FGF14: variants seen among roughly 807,000 people sequenced by gnomAD.
FGF14 encodes fibroblast growth factor 14.
FGF14 carries 5 observed loss-of-function variants against 25.5 expected under a neutral mutation model. The observed-to-expected ratio is 0.20, with a 90% CI of 0.10 to 0.41. The LOEUF is 0.41. Ranked by LOEUF, FGF14 falls within the 10% of genes least tolerant of loss-of-function variation. The probability of loss-of-function intolerance (pLI) is 1.00; values close to 1 mark genes in which losing one functional copy is unlikely to be tolerated. For synonymous variants in FGF14, 138 were observed against 118.3 expected (o/e 1.17, Z -1.08); for missense variants, 222 against 320.1 (o/e 0.69, Z 2.34).
chr13:101,926,151 G>T (rs910870494), intron 1 of FGF14, among the ~76,000 whole-genome samples: 5 of 152,156 alleles, frequency 3.3e-5, no homozygotes, highest in Non-Finnish European at 7.4e-5. Flanking sequence ...CAGGGATAAG[G>T]ATATGGGCAC....
upstream of FGF14, among the ~76,000 whole-genome samples, chr13:101,920,684 C>G (rs1015013162): frequency 6.6e-6 from 1 of 151,998 alleles, no homozygotes; most frequent in Non-Finnish European, 1.5e-5. Context: ...TCACCACCAC[C>G]CCCCCACAGT....
chr13:101,892,084 T>C, intron 1 of FGF14, among the ~76,000 whole-genome samples: 1 of 152,278 alleles, frequency 6.6e-6, no homozygotes, highest in African/African-American at 2.4e-5. Flanking sequence ...AATAGCTAAT[T>C]TTCAAGATGT....
intron 1 of FGF14, chr13:102,401,322 T>G: frequency 1.3e-6 from 1 of 743,438 alleles, no homozygotes; most frequent in Admixed American, 2.1e-5. Flanking sequence ...GTTACTTGTT[T>G]ATTCATGCAA....
At chr13:102,155,385 A>T (rs2047283295) in intron 1 of FGF14, among the ~76,000 whole-genome samples, 1 of 152,260 alleles carries the variant, frequency 6.6e-6, no homozygotes, top group South Asian at 2.1e-4. Context: ...AATTACATGG[A>T]AACTGAACAA....
chr13:102,329,844 C>A (rs147165852), intron 1 of FGF14, among the ~76,000 whole-genome samples: 115 of 152,232 alleles, frequency 7.6e-4, no homozygotes, highest in African/African-American at 2.6e-3. Context: ...TACGCACCCC[C>A]ACCTTATGCC....
intron 3 of FGF14, among the ~76,000 whole-genome samples, chr13:101,735,052 T>A (rs1043856335): frequency 1.3e-5 from 2 of 152,182 alleles, no homozygotes; most frequent in Admixed American, 1.3e-4. Context: ...CAGCTGGGAT[T>A]GCCCTCCCTC....
chr13:101,827,037 T>C (rs2140263511), intron 3 of FGF14, among the ~76,000 whole-genome samples: 1 of 152,086 alleles, frequency 6.6e-6, no homozygotes, highest in East Asian at 1.9e-4. Flanking sequence ...AGGATACACT[T>C]TTATGGTAAT....
chr13:101,736,448 T>C (rs1227430320), intron 3 of FGF14, among the ~76,000 whole-genome samples: 1 of 152,188 alleles, frequency 6.6e-6, no homozygotes, highest in African/African-American at 2.4e-5. Context: ...TTTATATTTG[T>C]TGAATATAAC....
chr13:101,782,317 TATC>T (rs2140035982), intron 3 of FGF14, among the ~76,000 whole-genome samples: 1 of 152,362 alleles, frequency 6.6e-6, no homozygotes, highest in African/African-American at 2.4e-5. Context: ...TCACTGCCAA[TATC>T]ATATTTCAAA....
At position 101,837,127 on chromosome 13, in the gene FGF14, T is replaced by C. The variant is rs984009425; in HGVS notation, c.408+31598A>G. Among the ~76,000 whole-genome samples the C allele has an allele frequency of 2.0e-4, 30 of 151,926 alleles. 1 individual carries two copies. Among genetic ancestry groups the C allele is most frequent in the Admixed American group, 1.8e-3 (27 of 15,212 alleles). ...AAACACTGGAGTTAGTTGCTAATAT[T>C]TTTATTTTGAATTTTTCAAGTGTGA... is the stretch of plus-strand genomic sequence containing the variant. On this transcript the variant is annotated intron_variant, in intron 3 of 4. Transcript: ENST00000376143.
intron 1 of FGF14, among the ~76,000 whole-genome samples, chr13:102,175,806 C>T (rs1174312151): frequency 6.6e-6 from 1 of 151,898 alleles, no homozygotes; most frequent in Non-Finnish European, 1.5e-5. Flanking sequence ...GTCCAACAAA[C>T]ATGAAAAAAA....
At chr13:101,918,261 C>G (rs544612862), upstream of FGF14, among the ~76,000 whole-genome samples, 1 of 152,238 alleles carries the variant, frequency 6.6e-6, no homozygotes, top group African/African-American at 2.4e-5. Context: ...GAACACAGTT[C>G]CGTGGTTTCT....
At chr13:102,144,632 T>G in intron 1 of FGF14, among the ~76,000 whole-genome samples, 1 of 152,198 alleles carries the variant, frequency 6.6e-6, no homozygotes, top group East Asian at 1.9e-4. Flanking sequence ...AGCTTATTTA[T>G]GTAGTACATC....
chr13:101,825,716 C>CA (rs1212888491), intron 3 of FGF14, among the ~76,000 whole-genome samples: 1 of 152,036 alleles, frequency 6.6e-6, no homozygotes, highest in African/African-American at 2.4e-5. Context: ...CCATTATTTA[C>CA]AAAACCTAAA....
chr13:101,829,843 T>C (rs2042582734), intron 3 of FGF14, among the ~76,000 whole-genome samples: 1 of 152,100 alleles, frequency 6.6e-6, no homozygotes, highest in African/African-American at 2.4e-5. Flanking sequence ...TTAGTCCTCA[T>C]AGCAAATATA....
At chr13:102,334,512 G>C (rs2056732374) in intron 1 of FGF14, among the ~76,000 whole-genome samples, 1 of 152,096 alleles carries the variant, frequency 6.6e-6, no homozygotes, top group South Asian at 2.1e-4. Flanking sequence ...GTGTCATGTA[G>C]CTCTACTCAG....
intron 3 of FGF14, among the ~76,000 whole-genome samples, chr13:101,749,576 C>G (rs1246582994): frequency 1.3e-5 from 2 of 151,952 alleles, no homozygotes; most frequent in African/African-American, 2.4e-5. Flanking sequence ...ATTTTACAAC[C>G]TCCATGTTCA....
At chr13:102,003,859 A>G (rs2039640793) in intron 1 of FGF14, among the ~76,000 whole-genome samples, 1 of 152,068 alleles carries the variant, frequency 6.6e-6, no homozygotes, top group African/African-American at 2.4e-5. Flanking sequence ...GCCAAAATGA[A>G]TAGATATTGA....
chr13:101,991,980 T>C (rs1168882709), intron 1 of FGF14, among the ~76,000 whole-genome samples: 1 of 152,124 alleles, frequency 6.6e-6, no homozygotes, highest in Non-Finnish European at 1.5e-5. Flanking sequence ...TGCCAAAGCA[T>C]AACCCATGTA....
Sources: gnomAD v4.1 joint callset for allele counts (sites outside exome capture counted in the v4.1 genomes callset) on GRCh38, gnomAD v4.1.1 for gene constraint, MANE v1.5 for transcripts, NCBI Gene and HGNC (gene_info 2026-07-23, HGNC 2026-07-21) for gene names.